STIM2: variants seen among roughly 807,000 people sequenced by gnomAD.
The protein encoded by STIM2 is stromal interaction molecule 2.
In STIM2, 31 loss-of-function variants were observed where a neutral mutation model predicts 85.8. The ratio of observed to expected loss-of-function variants is 0.36; its 90% CI spans 0.27 to 0.49. The LOEUF is 0.49. Among genes scored for constraint, STIM2 ranks in the 20% least tolerant of loss-of-function variants. The pLI is 0.98. For synonymous variants in STIM2, 356 were observed against 331.1 expected (o/e 1.08, Z -0.82); for missense variants, 841 against 927.6 (o/e 0.91, Z 1.21).
chr4:26,995,284 G>T, intron 3 of STIM2, 95 bp from the exon 4 acceptor site: 1 of 617,448 alleles, frequency 1.6e-6, no homozygotes, highest in Non-Finnish European at 2.7e-6. Context: ...AATTGAAAAT[G>T]CAATCTAATA....
At chr4:26,999,690 A>G (rs1294173314) in intron 5 of STIM2, among the ~76,000 whole-genome samples, 1 of 152,208 alleles carries the variant, frequency 6.6e-6, no homozygotes, top group Non-Finnish European at 1.5e-5. Flanking sequence ...CTCTTAAAAA[A>G]TAATATAGTC....
chr4:26,917,865 C>G (rs1187582245), intron 1 of STIM2, among the ~76,000 whole-genome samples: 1 of 152,130 alleles, frequency 6.6e-6, no homozygotes, highest in Non-Finnish European at 1.5e-5. Context: ...GTTTTGGTAC[C>G]TGAGCTCTTA....
At chr4:26,961,577 CAAAG>C (rs1387169927) in intron 3 of STIM2, among the ~76,000 whole-genome samples, 1 of 151,996 alleles carries the variant, frequency 6.6e-6, no homozygotes, top group Non-Finnish European at 1.5e-5. Flanking sequence ...GTAGGAAAGA[CAAAG>C]AAAACAAATA....
chr4:26,967,066 T>C (rs1444980411), intron 3 of STIM2, among the ~76,000 whole-genome samples: 1 of 152,232 alleles, frequency 6.6e-6, no homozygotes, highest in Non-Finnish European at 1.5e-5. Context: ...AATCAGATAA[T>C]TACTTAATAG....
At chr4:26,873,247 C>T (rs768388100) in intron 1 of STIM2, among the ~76,000 whole-genome samples, 2 of 152,090 alleles carry the variant, frequency 1.3e-5, no homozygotes, top group East Asian at 3.9e-4. Context: ...AAAAATACAA[C>T]GATTAGCCAG....
chr4:26,981,878 T>C (rs1287791044), intron 3 of STIM2, among the ~76,000 whole-genome samples: 5 of 152,178 alleles, frequency 3.3e-5, no homozygotes, highest in Admixed American at 1.3e-4. Flanking sequence ...TTATTACAAA[T>C]GGTGTTATCT....
intron 4 of STIM2, among the ~76,000 whole-genome samples, chr4:26,997,662 C>T (rs1728007268): frequency 6.6e-6 from 1 of 152,206 alleles, no homozygotes; most frequent in African/African-American, 2.4e-5. Context: ...TACATTCATT[C>T]AGCTATTATA....
At chr4:27,016,686 A>T (rs971810101) in intron 10 of STIM2, among the ~76,000 whole-genome samples, 8 of 152,202 alleles carry the variant, frequency 5.3e-5, no homozygotes, top group African/African-American at 1.9e-4. Flanking sequence ...TGAGGAATGT[A>T]GCCCTTCTAG....
intron 3 of STIM2, among the ~76,000 whole-genome samples, chr4:26,967,260 A>C (rs1462789816): frequency 1.3e-5 from 2 of 152,232 alleles, no homozygotes; most frequent in African/African-American, 4.8e-5. Flanking sequence ...AAAAGCAAAC[A>C]AAGAGATTTG....
rs368118559 is a variant in STIM2 at position 27,022,612 on chromosome 4, A to G, written c.1857A>G (p.Thr619=). 2.5e-6 allele frequency: 4 copies of G among 1,614,158 alleles called. No homozygotes were observed. The highest frequency in any genetic ancestry group is 3.4e-6 in the Non-Finnish European group (4 of 1,179,968). ...CTTTAAGCCTCGAGATATACCAAAC[A>G]TTATCTCCGCGAAAGATATCAAGAG... Residue 619 remains threonine (T), a synonymous_variant, in exon 12 of 12, where the codon ACA becomes ACG. Transcript: ENST00000467087.
chr4:26,975,549 G>A (rs1372945867), intron 3 of STIM2, among the ~76,000 whole-genome samples: 16 of 152,194 alleles, frequency 1.1e-4, no homozygotes, highest in Admixed American at 1.0e-3. Flanking sequence ...GTTTGCCTGG[G>A]TATCACCAGT....
At chr4:27,008,405 A>T in intron 8 of STIM2, 23 bp from the exon 9 acceptor site, 4 of 1,487,552 alleles carry the variant, frequency 2.7e-6, no homozygotes, top group Non-Finnish European at 3.7e-6. Flanking sequence ...ACCTAGCCTT[A>T]TTTAGTCCTT....
intron 2 of STIM2, among the ~76,000 whole-genome samples, chr4:26,923,298 A>T (rs1452360021): frequency 5.3e-5 from 8 of 151,900 alleles, no homozygotes; most frequent in Admixed American, 5.2e-4. Context: ...GAAAAACTGG[A>T]AACTCTAAAA....
At position 26,860,909 on chromosome 4, in the gene STIM2, C is replaced by G. The variant is rs1158863794; in HGVS notation, c.-310C>G. The G allele has an allele frequency of 1.8e-6, 2 of 1,112,360 alleles. No individual in the cohort carries two copies. The highest frequency in any genetic ancestry group is 2.2e-6 in the Non-Finnish European group (2 of 900,182). 68.9% of individuals were successfully genotyped at this position (1,112,360 alleles called of 1,614,324 possible). Reference sequence around the variant, plus strand: ...CGTGCACCGCCTGAAGACGCCGTACCTTTCTACCCCCCACCTTTTTTTTTT... The same window carrying G: ...CGTGCACCGCCTGAAGACGCCGTACGTTTCTACCCCCCACCTTTTTTTTTT... On this transcript the variant is annotated 5_prime_UTR_variant, in exon 1 of 12. Transcript: ENST00000467087.
At position 26,973,379 on chromosome 4, in the gene STIM2, G is replaced by A. The variant is rs567598920; in HGVS notation, c.397+15653G>A. Among the ~76,000 whole-genome samples, 723 of 152,236 alleles carry A rather than the reference G, an allele frequency of 4.7e-3. 8 individuals are homozygous for A. Among genetic ancestry groups the A allele is most frequent in the African/African-American group, 0.017 (702 of 41,536 alleles). The stretch of plus-strand genomic sequence containing the variant: ...CTGCTTTCTCTTGTGGGCATTTAGT[G>A]CTATAAATTTCCCTCTACACACTAC... On this transcript the variant is annotated intron_variant, in intron 3 of 11. Transcript: ENST00000467087.
intron 3 of STIM2, among the ~76,000 whole-genome samples, chr4:26,988,472 C>G (rs1302290900): frequency 6.6e-6 from 1 of 152,156 alleles, no homozygotes; most frequent in African/African-American, 2.4e-5. Context: ...ACAGAAAGCT[C>G]CAAGTATGGC....
chr4:26,897,965 C>A (rs1723773063), intron 1 of STIM2, among the ~76,000 whole-genome samples: 1 of 152,122 alleles, frequency 6.6e-6, no homozygotes. Flanking sequence ...CGAGGTTTGC[C>A]TGTGTTGCCC....
chr4:26,911,733 A>G (rs1724348705), intron 1 of STIM2, among the ~76,000 whole-genome samples: 1 of 152,208 alleles, frequency 6.6e-6, no homozygotes, highest in African/African-American at 2.4e-5. Flanking sequence ...TATGCTCTCA[A>G]TAAATATTAG....
intron 1 of STIM2, among the ~76,000 whole-genome samples, chr4:26,899,838 T>C (rs1723850540): frequency 6.6e-6 from 1 of 152,196 alleles, no homozygotes; most frequent in Non-Finnish European, 1.5e-5. Flanking sequence ...TGTTTTAAGC[T>C]TTTCACACTT....
Sources: gnomAD v4.1 joint callset for allele counts (sites outside exome capture counted in the v4.1 genomes callset) on GRCh38, gnomAD v4.1.1 for gene constraint, MANE v1.5 for transcripts, NCBI Gene and HGNC (gene_info 2026-07-23, HGNC 2026-07-21) for gene names.